UBE2N: variants seen among roughly 807,000 people sequenced by gnomAD.
UBE2N encodes the protein ubiquitin-conjugating enzyme E2 N.
For missense variants in UBE2N, 60 were observed against 192.1 expected (o/e 0.31, Z 4.07); for synonymous variants, 70 against 69.2 (o/e 1.01, Z -0.06).
intron 1 of UBE2N, among the ~76,000 whole-genome samples, chr12:93,430,484 G>A (rs950869009): frequency 6.6e-6 from 1 of 152,084 alleles, no homozygotes; most frequent in Non-Finnish European, 1.5e-5. Flanking sequence ...GGCTGGGTGG[G>A]GAGGGGGAGG....
At chr12:93,441,654 C>A (rs1362958193) in intron 1 of UBE2N, among the ~76,000 whole-genome samples, 2 of 152,000 alleles carry the variant, frequency 1.3e-5, no homozygotes, top group African/African-American at 4.8e-5. Flanking sequence ...CGCTGTCCGG[C>A]TGCCCCGCCG....
intron 1 of UBE2N, among the ~76,000 whole-genome samples, chr12:93,438,578 G>A (rs898001801): frequency 1.3e-5 from 2 of 151,818 alleles, no homozygotes; most frequent in African/African-American, 4.8e-5. Context: ...GCTAAGGGGT[G>A]GGGGGGAAGG....
rs1878011050 is a variant in UBE2N, at chr12:93,410,792, T to C, written c.360A>G (p.Pro120=). 3 of 1,614,232 alleles carry C rather than the reference T, an allele frequency of 1.9e-6. No individual in the cohort carries two copies. Among genetic ancestry groups the C allele is most frequent in the Non-Finnish European group, 2.5e-6 (3 of 1,180,046 alleles). The change falls in exon 3 of 4, where the codon CCA becomes CCG. Residue 120 remains proline, a synonymous_variant. Transcript: ENST00000318066. ...ALLSAPNPDD[P]LANDVAEQWK... ...ACTGCTCCGCTACATCATTTGCTAA[T>C]GGATCATCTGGATTGGGAGCACTTA... is the stretch of plus-strand genomic sequence containing the variant.
chr12:93,436,456 C>T (rs1469790311), intron 1 of UBE2N, among the ~76,000 whole-genome samples: 3 of 152,190 alleles, frequency 2.0e-5, no homozygotes, highest in African/African-American at 4.8e-5. Flanking sequence ...ACTGTATCAA[C>T]GTAACATGTA....
chr12:93,418,989 T>A (rs980634701), intron 1 of UBE2N, among the ~76,000 whole-genome samples: 1 of 152,224 alleles, frequency 6.6e-6, no homozygotes, highest in Admixed American at 6.5e-5. Flanking sequence ...AAGACAATCA[T>A]GTTATAATGT....
intron 1 of UBE2N, among the ~76,000 whole-genome samples, chr12:93,423,481 A>C (rs1232552668): frequency 6.6e-6 from 1 of 152,220 alleles, no homozygotes; most frequent in African/African-American, 2.4e-5. Context: ...CAATCTCTTT[A>C]TCAAAGAACT....
chr12:93,420,729 A>T (rs1014299990), intron 1 of UBE2N, among the ~76,000 whole-genome samples: 1 of 152,246 alleles, frequency 6.6e-6, no homozygotes, highest in African/African-American at 2.4e-5. Flanking sequence ...AGATTATTCC[A>T]ATCACTGACA....
At chr12:93,431,998 C>T (rs989678977) in intron 1 of UBE2N, among the ~76,000 whole-genome samples, 2 of 152,192 alleles carry the variant, frequency 1.3e-5, no homozygotes, top group Non-Finnish European at 2.9e-5. Flanking sequence ...CTCTGGGAGG[C>T]TGAGGCGGGC....
At chr12:93,432,476 C>CA (rs1277904471) in intron 1 of UBE2N, among the ~76,000 whole-genome samples, 2,512 of 108,852 alleles carry the variant, frequency 0.023, 48 homozygotes, top group African/African-American at 0.053. Flanking sequence ...TTAAGAGTCA[C>CA]AAAAAAAAAA....
At chr12:93,416,076 A>AAT (rs1435642126) in intron 1 of UBE2N, among the ~76,000 whole-genome samples, 1 of 152,248 alleles carries the variant, frequency 6.6e-6, no homozygotes, top group Non-Finnish European at 1.5e-5. Context: ...TAGTCCTTAT[A>AAT]ATATATGCTG....
At chr12:93,423,515 G>A (rs1026315955) in intron 1 of UBE2N, among the ~76,000 whole-genome samples, 1 of 152,130 alleles carries the variant, frequency 6.6e-6, no homozygotes, top group African/African-American at 2.4e-5. Flanking sequence ...TTTTAGAGGA[G>A]GAGCTAATTT....
intron 1 of UBE2N, among the ~76,000 whole-genome samples, chr12:93,423,944 C>T (rs1878495246): frequency 6.6e-6 from 1 of 152,158 alleles, no homozygotes; most frequent in African/African-American, 2.4e-5. Flanking sequence ...AGGGCACCTG[C>T]TTTTTTCCCA....
chr12:93,413,747 C>T (rs1878107270), intron 1 of UBE2N, among the ~76,000 whole-genome samples: 1 of 152,176 alleles, frequency 6.6e-6, no homozygotes, highest in African/African-American at 2.4e-5. Flanking sequence ...CACTGCTACA[C>T]CTCTGATCCA....
rs1304384673 is a variant in UBE2N, at chr12:93,411,158, G to C, written c.172C>G (p.Leu58Val). ...EGGTFKLELFLPEEYPMAAPK... is the reference protein window; with the variant it reads ...EGGTFKLELFVPEEYPMAAPK... Reference sequence around the variant, plus strand: ...GCTGCCATTGGGTATTCTTCTGGAAGGAATAGTTCAAGTTTAAAAGTCCCT... The same window carrying C: ...GCTGCCATTGGGTATTCTTCTGGAACGAATAGTTCAAGTTTAAAAGTCCCT... The change falls in exon 2 of 4, where the codon CTT becomes GTT. Residue 58 changes from leucine (L) to valine (V), a missense_variant. Coordinates refer to ENST00000318066, the MANE Select transcript of UBE2N (RefSeq NM_003348.4). The C allele has an allele frequency of 6.2e-7, 1 of 1,614,204 alleles. No individual in the cohort carries two copies. The highest frequency in any genetic ancestry group is 8.5e-7 in the Non-Finnish European group (1 of 1,180,036).
At chr12:93,439,616 T>C (rs1358195681) in intron 1 of UBE2N, among the ~76,000 whole-genome samples, 2 of 152,220 alleles carry the variant, frequency 1.3e-5, no homozygotes, top group Non-Finnish European at 2.9e-5. Context: ...GAAGTTTGTA[T>C]AGTGATTGAC....
chr12:93,411,012 A>G (rs1407478858), intron 2 of UBE2N, 41 bp downstream of exon 2: 21 of 1,613,878 alleles, frequency 1.3e-5, no homozygotes, highest in Non-Finnish European at 1.8e-5. Flanking sequence ...GAAAAAGGAG[A>G]AAGCTTAATA....
chr12:93,432,703 CATA>C (rs1165017682), intron 1 of UBE2N, among the ~76,000 whole-genome samples: 1 of 151,774 alleles, frequency 6.6e-6, no homozygotes, highest in Non-Finnish European at 1.5e-5. Flanking sequence ...CTGACAGAGA[CATA>C]ATGTGAAGGT....
At chr12:93,417,403 C>T (rs934229320) in intron 1 of UBE2N, among the ~76,000 whole-genome samples, 1 of 152,082 alleles carries the variant, frequency 6.6e-6, no homozygotes, top group African/African-American at 2.4e-5. Context: ...GTGCTCAGTA[C>T]GAAGCAATGA....
At chr12:93,425,648 A>G (rs1023847452) in intron 1 of UBE2N, among the ~76,000 whole-genome samples, 1 of 152,210 alleles carries the variant, frequency 6.6e-6, no homozygotes, top group Non-Finnish European at 1.5e-5. Context: ...AGGAAATTCA[A>G]GAACTTCCAA....
Sources: allele counts gnomAD v4.1 joint callset (sites outside exome capture counted in the v4.1 genomes callset), GRCh38; gene constraint gnomAD v4.1.1; transcripts MANE v1.5; gene names NCBI Gene and HGNC (gene_info 2026-07-23, HGNC 2026-07-21).